Variants in EPB41L1 observed in about 807,000 individuals in gnomAD.
EPB41L1 encodes band 4.1-like protein 1.
EPB41L1 carries 29 observed loss-of-function variants against 97.8 expected under a neutral mutation model. The ratio of observed to expected loss-of-function variants is 0.30; its 90% CI spans 0.22 to 0.40. The LOEUF is 0.40. EPB41L1 is among the 10% of genes least tolerant of loss of function. EPB41L1 has a pLI of 1.00. For missense variants in EPB41L1, 812 were observed against 1,162.3 expected, an observed-to-expected ratio of 0.70 and a Z score of 4.38; for synonymous variants, 383 against 459.2, an observed-to-expected ratio of 0.83 and a Z score of 2.12.
chr20:36,226,731 G>A (rs1423405431), intron 21 of EPB41L1, among the ~76,000 whole-genome samples: 5 of 152,174 alleles, frequency 3.3e-5, no homozygotes, highest in African/African-American at 1.2e-4. Flanking sequence ...TGCACGCAGG[G>A]ACTGTGCTGT....
rs1481427057 is a variant in EPB41L1 at position 36,232,285 on chromosome 20, A to G, written c.*2945A>G. 7.6e-6 allele frequency: 2 copies of G among 263,516 alleles called. No individual in the cohort carries two copies. The highest frequency in any genetic ancestry group is 5.4e-5 in the Admixed American group (1 of 18,606). The allele number at this position is 263,516 out of a possible 1,614,324, so 16.3% of individuals were successfully genotyped here. A position where few individuals can be genotyped will look rare whatever the true frequency, so the allele number is the denominator to read the frequency against. On this transcript the variant is annotated 3_prime_UTR_variant, in exon 22 of 22. Transcript: ENST00000338074. ...CACCTCTCCACCCAGGAGGCCATGT[A>G]GCATAGTGGAAAAAGTCCCTGAGGG...
At chr20:36,183,393 C>A (rs1463983279) in intron 6 of EPB41L1, among the ~76,000 whole-genome samples, 2 of 152,232 alleles carry the variant, frequency 1.3e-5, no homozygotes. Flanking sequence ...ACAGATCAGG[C>A]CTGGGCTTTG....
chr20:36,208,309 C>T (rs769197491), intron 14 of EPB41L1: 11 of 450,288 alleles, frequency 2.4e-5, no homozygotes, highest in African/African-American at 6.0e-5. Context: ...AGAACAAATC[C>T]GGAGATGCGG....
At chr20:36,226,382 C>G (rs1335955118) in intron 21 of EPB41L1, among the ~76,000 whole-genome samples, 1 of 152,188 alleles carries the variant, frequency 6.6e-6, no homozygotes, top group Non-Finnish European at 1.5e-5. Flanking sequence ...TACCCTGTGC[C>G]AGGCACCAGG....
In EPB41L1 at chr20:36,196,606, G is replaced by A. The variant is rs560354375; in HGVS notation, c.1485+1242G>A. 2.0e-5 allele frequency among the ~76,000 whole-genome samples: 3 copies of A among 152,330 alleles called. No individual in the cohort carries two copies. The East Asian group carries it at 5.8e-4, about 29-fold the overall frequency. On this transcript the variant is annotated intron_variant, in intron 13 of 21. Coordinates refer to ENST00000338074, the MANE Select transcript of EPB41L1 (RefSeq NM_012156.2). ...GTTTCCTTCCTGAGGTAGCTTAGGA[G>A]TCAGCCATAGTGGATCCTTGGGTAC... is the stretch of plus-strand genomic sequence containing the variant.
At chr20:36,178,424 G>A (rs779294424) in intron 4 of EPB41L1, among the ~76,000 whole-genome samples, 11 of 152,012 alleles carry the variant, frequency 7.2e-5, no homozygotes, top group African/African-American at 1.2e-4. Flanking sequence ...TGGCAGCTCC[G>A]GGCACTGGGT....
intron 14 of EPB41L1, among the ~76,000 whole-genome samples, chr20:36,205,343 C>A (rs1307161464): frequency 1.3e-5 from 2 of 152,232 alleles, no homozygotes; most frequent in African/African-American, 4.8e-5. Flanking sequence ...CTGTCTTCTA[C>A]TAACAGTGAC....
chr20:36,209,626 C>T lies in EPB41L1; in HGVS notation c.1807C>T (p.Arg603Cys), dbSNP rs2063017244. Residue 603 changes from arginine to cysteine, a missense_variant, in exon 15 of 22, where the codon CGC (arginine) becomes TGC (cysteine). Physicochemically the swap from Arg to Cys is radical, Grantham distance 180. This residue lies in a region of EPB41L1 where 498 missense variants were observed against 622.7 expected (regional missense o/e 0.80). Coordinates refer to ENST00000338074, the MANE Select transcript of EPB41L1 (RefSeq NM_012156.2). The surrounding 1 kb of genome is among the most constrained non-coding windows in gnomAD (Gnocchi z 4.2). The part of the protein sequence containing the change: ...FLKDNHLAIE[R>C]KCSSITVSST... Reference sequence around the variant, plus strand: ...GAAGGACAACCACCTGGCCATTGAGCGCAAGTGCTCCAGCATCACGGTCAG... The same window carrying T: ...GAAGGACAACCACCTGGCCATTGAGTGCAAGTGCTCCAGCATCACGGTCAG... The T allele has an allele frequency of 1.2e-6, 2 of 1,614,192 alleles. No homozygotes were observed. The highest frequency in any genetic ancestry group is 1.7e-6 in the Non-Finnish European group (2 of 1,180,042).
intron 17 of EPB41L1, 62 bp from the exon 18 acceptor site, chr20:36,218,814 C>T (rs923192343): frequency 2.7e-6 from 4 of 1,490,536 alleles, no homozygotes; most frequent in South Asian, 1.1e-5. Context: ...GCCACATGCT[C>T]CGCCCATCCT....
rs1331878315 is a variant in EPB41L1, at chr20:36,206,797, G to A, written c.1669-2691G>A. The A allele has an allele frequency of 3.9e-6, 5 of 1,289,768 alleles. No individual in the cohort carries two copies. The highest frequency in any genetic ancestry group is 4.0e-6 in the Non-Finnish European group (4 of 988,896). The allele number at this position is 1,289,768 out of a possible 1,614,324, so 79.9% of individuals were successfully genotyped here. The stretch of plus-strand genomic sequence containing the variant: ...GTTTCCCCACCTGACAGCCAGCGCA[G>A]CCCGAGAGGAAGGGACCCCCGTGAG... On this transcript the variant is annotated intron_variant, in intron 14 of 21. Transcript: ENST00000338074. This position sits in a 1 kb window ranked among gnomAD's most constrained non-coding sequence, Gnocchi z 5.5.
chr20:36,098,724 C>T (rs1366010662), intron 1 of EPB41L1, among the ~76,000 whole-genome samples: 1 of 152,106 alleles, frequency 6.6e-6, no homozygotes, highest in Non-Finnish European at 1.5e-5. Flanking sequence ...TGGGAGGGGA[C>T]ACTGTTCAAC....
At chr20:36,164,421 C>T (rs1411906018) in intron 1 of EPB41L1, among the ~76,000 whole-genome samples, 1 of 152,166 alleles carries the variant, frequency 6.6e-6, no homozygotes, top group East Asian at 1.9e-4. Flanking sequence ...GTTTTGGTGT[C>T]TCCTCCCTCC....
At chr20:36,155,343 T>A in intron 1 of EPB41L1, 1 of 363,714 alleles carries the variant, frequency 2.7e-6, no homozygotes, top group South Asian at 2.0e-5. Context: ...CCTTCCCCGC[T>A]CTGGGCTTGC....
chr20:36,124,076 G>A (rs1239206788), intron 2 of EPB41L1, among the ~76,000 whole-genome samples: 5 of 151,964 alleles, frequency 3.3e-5, no homozygotes, highest in Non-Finnish European at 7.4e-5. Flanking sequence ...GTGAAACCCC[G>A]TCTCTACTAA....
rs1481636356 is a variant in EPB41L1, at chr20:36,194,202, C to T, written c.1301-10C>T. The T allele has an allele frequency of 1.2e-6, 2 of 1,613,248 alleles. No homozygotes were observed. Among genetic ancestry groups the T allele is most frequent in the Middle Eastern group, 1.9e-4 (1 of 5,358 alleles). ...TCACATGGTTGCCTGGCTATCTCCA[C>T]CCACTTCAGCAGAGTTCTCCCGCCC... On this transcript the variant is annotated splice_polypyrimidine_tract_variant and intron_variant, in intron 11 of 21. Transcript: ENST00000338074.
In EPB41L1 at chr20:36,231,831, CCTT is replaced by C. The variant is rs2064502389; in HGVS notation, c.*2495_*2497del. ...AAAAGCCACAGAACCTTCTTCCTGCCCTTCTTGAGAGTTCCCCCTCTTTCTGGG... is the reference window on the plus strand; with the variant it reads ...AAAAGCCACAGAACCTTCTTCCTGCCCTTGAGAGTTCCCCCTCTTTCTGGG... On this transcript the variant is annotated 3_prime_UTR_variant, in exon 22 of 22. Transcript: ENST00000338074. The C allele has an allele frequency of 6.5e-6, 1 of 152,724 alleles. No individual in the cohort carries two copies. The highest frequency in any genetic ancestry group is 2.4e-5 in the African/African-American group (1 of 41,448). The allele number at this position is 152,724 out of a possible 1,614,324, so 9.5% of individuals were successfully genotyped here. A position where few individuals can be genotyped will look rare whatever the true frequency, so the allele number is the denominator to read the frequency against.
chr20:36,202,829 A>T (rs1453447403), intron 14 of EPB41L1, among the ~76,000 whole-genome samples: 1 of 150,720 alleles, frequency 6.6e-6, no homozygotes, highest in Non-Finnish European at 1.5e-5. Context: ...AAAAAAAAAA[A>T]AGGCAGGCCC....
At chr20:36,202,269 C>T (rs1333575672) in intron 14 of EPB41L1, among the ~76,000 whole-genome samples, 5 of 152,226 alleles carry the variant, frequency 3.3e-5, no homozygotes, top group Admixed American at 2.6e-4. Flanking sequence ...TGGCGGCAGC[C>T]CATTAACTAT....
chr20:36,128,356 G>C (rs2059055766), intron 2 of EPB41L1, among the ~76,000 whole-genome samples: 1 of 152,202 alleles, frequency 6.6e-6, no homozygotes, highest in Non-Finnish European at 1.5e-5. Flanking sequence ...AGGTGCCCCA[G>C]GCCGGGCCTT....
Sources: allele counts gnomAD v4.1 joint callset (sites outside exome capture counted in the v4.1 genomes callset), GRCh38; gene constraint gnomAD v4.1.1; regional missense constraint gnomAD v4.1.1; non-coding constraint Gnocchi (gnomAD v3.1); transcripts MANE v1.5; gene names NCBI Gene and HGNC (gene_info 2026-07-23, HGNC 2026-07-21).